The following APPL1 variants were observed in gnomAD, a reference collection of about 807,000 sequenced individuals.
APPL1 encodes the protein adaptor protein, phosphotyrosine interacting with PH domain and leucine zipper 1.
A neutral mutation model predicts 106.8 loss-of-function variants in APPL1; 42 were observed. The ratio of observed to expected loss-of-function variants is 0.39; its 90% CI spans 0.31 to 0.51. APPL1 has a LOEUF of 0.51. APPL1 is among the 20% of genes least tolerant of loss of function. The probability of loss-of-function intolerance (pLI) is 0.75; values close to 1 mark genes in which losing one functional copy is unlikely to be tolerated. For missense variants in APPL1, 769 were observed against 858.2 expected (o/e 0.90, Z 1.30); for synonymous variants, 263 against 281.8 (o/e 0.93, Z 0.67).
chr3:57,240,577 C>T (rs781057486), intron 5 of APPL1, 25 bp downstream of exon 5: 1 of 1,573,344 alleles, frequency 6.4e-7, no homozygotes. Context: ...CTTATGTTTA[C>T]TTTCATTGGC....
At chr3:57,260,211 A>G in intron 18 of APPL1, 58 bp downstream of exon 18, 1 of 1,491,100 alleles carries the variant, frequency 6.7e-7, no homozygotes, top group Non-Finnish European at 9.2e-7. Flanking sequence ...TACACATCTT[A>G]CAACTTGATA....
intron 4 of APPL1, among the ~76,000 whole-genome samples, chr3:57,239,533 T>TTA (rs1240324877): frequency 1.4e-5 from 2 of 145,086 alleles, no homozygotes; most frequent in African/African-American, 4.9e-5. Context: ...GGTCATCTCT[T>TTA]TATATATCTG....
intron 13 of APPL1, 26 bp from the exon 14 acceptor site, chr3:57,256,931 G>A (rs1435659754): frequency 1.3e-6 from 2 of 1,598,454 alleles, no homozygotes; most frequent in East Asian, 4.5e-5. Flanking sequence ...ACTAATATTA[G>A]TCCTTTTTTA....
At chr3:57,230,394 G>C (rs968891968) in intron 1 of APPL1, among the ~76,000 whole-genome samples, 1 of 151,610 alleles carries the variant, frequency 6.6e-6, no homozygotes, top group African/African-American at 2.4e-5. Flanking sequence ...ATTACCTGTT[G>C]GTTACCCAGC....
chr3:57,236,264 G>A (rs540933773), intron 2 of APPL1, among the ~76,000 whole-genome samples: 1 of 150,840 alleles, frequency 6.6e-6, no homozygotes, highest in African/African-American at 2.4e-5. Context: ...GGCTGGTCTC[G>A]AACTCCCGAC....
rs754991072 is a variant in APPL1 at position 57,260,174 on chromosome 3, G to A, written c.1695+21G>A. On this transcript the variant is annotated intron_variant, in intron 18 of 21. Coordinates refer to ENST00000288266, the MANE Select transcript of APPL1 (RefSeq NM_012096.3). ...TCACGGTGAGTTCCACATGATTTAA[G>A]CTTTGTTTTAGGTCCCTTTGTATAT... 5.6e-6 allele frequency: 9 copies of A among 1,598,718 alleles called. No individual in the cohort carries two copies. The South Asian group carries it at 1.0e-4, about 18-fold the overall frequency.
chr3:57,263,227 G>T (rs539482585), intron 19 of APPL1, among the ~76,000 whole-genome samples: 1 of 152,240 alleles, frequency 6.6e-6, no homozygotes, highest in Admixed American at 6.5e-5. Flanking sequence ...CATGGAAAAT[G>T]GAGTATTCCT....
In APPL1 at chr3:57,260,768, G is replaced by A; in HGVS notation, c.1836G>A (p.Gly612=). 1.2e-6 allele frequency: 2 copies of A among 1,605,954 alleles called. No individual in the cohort carries two copies. The highest frequency in any genetic ancestry group is 1.1e-5 in the South Asian group (1 of 89,602). Residue 612 remains glycine (G), a synonymous_variant, in exon 19 of 22, where the codon GGG becomes GGA. Coordinates refer to ENST00000288266, the MANE Select transcript of APPL1 (RefSeq NM_012096.3). The stretch of plus-strand genomic sequence containing the variant: ...ATATATTTGAGTCAAACAATGAGGG[G>A]GAAAAGGTACATGGCTTTTCAGAAT... The part of the protein sequence containing the change: ...VCYIFESNNE[G]EKICDSVGLA...
At chr3:57,255,027 T>TA (rs1447151216) in intron 13 of APPL1, among the ~76,000 whole-genome samples, 21 of 152,374 alleles carry the variant, frequency 1.4e-4, no homozygotes, top group Middle Eastern at 3.4e-3. Context: ...TCTGGGGTGA[T>TA]ACAGCGTGAA....
At chr3:57,267,498 A>G (rs567145314) in intron 19 of APPL1, among the ~76,000 whole-genome samples, 1 of 152,334 alleles carries the variant, frequency 6.6e-6, no homozygotes, top group East Asian at 1.9e-4. Context: ...TGTGACAGTA[A>G]TGAATTTGAC....
chr3:57,242,263 CTTA>C, intron 6 of APPL1, 121 bp downstream of exon 6: 1 of 720,178 alleles, frequency 1.4e-6, no homozygotes, highest in Non-Finnish European at 2.2e-6. Flanking sequence ...GTGAACATTA[CTTA>C]AATCAGTATT....
In APPL1 at chr3:57,242,086, C is replaced by G. The variant is rs530196141; in HGVS notation, c.374-15C>G. The G allele has an allele frequency of 8.5e-5, 133 of 1,567,722 alleles. 1 individual carries two copies. In the South Asian group the frequency reaches 1.5e-3, roughly 17 times the overall value. On this transcript the variant is annotated splice_polypyrimidine_tract_variant and intron_variant, in intron 5 of 21. Transcript: ENST00000288266. ...ATAAATGTGCCAAACTTAAATTATT[C>G]TTGAACTTTTTCAGAAATACTAACA...
intron 11 of APPL1, among the ~76,000 whole-genome samples, chr3:57,251,860 A>G (rs1432184940): frequency 6.6e-6 from 1 of 152,200 alleles, no homozygotes; most frequent in Non-Finnish European, 1.5e-5. Flanking sequence ...GAAATATTTG[A>G]TTTAATATTA....
intron 7 of APPL1, among the ~76,000 whole-genome samples, chr3:57,243,555 C>T (rs1222823149): frequency 1.3e-5 from 2 of 152,248 alleles, no homozygotes; most frequent in Non-Finnish European, 1.5e-5. Flanking sequence ...GCTGCAGCTG[C>T]TGGTGGAAAC....
chr3:57,252,405 G>A, intron 12 of APPL1, 94 bp downstream of exon 12: 2 of 829,472 alleles, frequency 2.4e-6, no homozygotes, highest in South Asian at 1.9e-5. Flanking sequence ...AGAAATTTTG[G>A]AAAATCCTAG....
chr3:57,237,408 GATA>G, intron 2 of APPL1, 81 bp from the exon 3 acceptor site: 9 of 905,422 alleles, frequency 9.9e-6, no homozygotes, highest in Non-Finnish European at 1.4e-5. Flanking sequence ...TATGTTAAGT[GATA>G]ATAAATAAAT....
Position 57,270,935 on chromosome 3 carries a change from TTA to T in APPL1, c.*1250_*1251del, listed in dbSNP as rs2060933379. ...ATAACATTTCTCTACTGCCTATTGTTTATGTTAAACCTTAATTTTTTTTCTGT... is the reference window on the plus strand; with the variant it reads ...ATAACATTTCTCTACTGCCTATTGTTTGTTAAACCTTAATTTTTTTTCTGT... On this transcript the variant is annotated 3_prime_UTR_variant, in exon 22 of 22. Coordinates refer to ENST00000288266, the MANE Select transcript of APPL1 (RefSeq NM_012096.3). 6.6e-6 allele frequency: 1 copy of T among 152,156 alleles called. No individual in the cohort carries two copies. Among genetic ancestry groups the T allele is most frequent in the South Asian group, 2.1e-4 (1 of 4,838 alleles). The allele number at this position is 152,156 out of a possible 1,614,324, so 9.4% of individuals were successfully genotyped here.
At chr3:57,238,722 C>T (rs1251926344) in intron 4 of APPL1, among the ~76,000 whole-genome samples, 1 of 152,068 alleles carries the variant, frequency 6.6e-6, no homozygotes, top group African/African-American at 2.4e-5. Context: ...CCCATTATAG[C>T]AAAATGTTTT....
At chr3:57,240,715 G>A (rs1196855980) in intron 5 of APPL1, among the ~76,000 whole-genome samples, 163 bp downstream of exon 5, 1 of 152,206 alleles carries the variant, frequency 6.6e-6, no homozygotes, top group African/African-American at 2.4e-5. Context: ...TGTCAAACTA[G>A]ATATTGAGAA....
Sources: allele counts gnomAD v4.1 joint callset (sites outside exome capture counted in the v4.1 genomes callset), GRCh38; gene constraint gnomAD v4.1.1; transcripts MANE v1.5; gene names NCBI Gene and HGNC (gene_info 2026-07-23, HGNC 2026-07-21).